RAB3GAP2: variants seen among roughly 807,000 people sequenced by gnomAD.
RAB3GAP2 encodes RAB3 GTPase activating non-catalytic protein subunit 2, also known as rab3 GTPase-activating protein non-catalytic subunit.
A neutral mutation model predicts 185.3 loss-of-function variants in RAB3GAP2; 87 were observed. The observed-to-expected ratio is 0.47, with a 90% CI of 0.39 to 0.56. RAB3GAP2 has a LOEUF of 0.56. Ranked by LOEUF, RAB3GAP2 falls within the 20% of genes least tolerant of loss-of-function variation. The probability of loss-of-function intolerance (pLI) is 0.00; values close to 1 mark genes in which losing one functional copy is unlikely to be tolerated. For missense variants in RAB3GAP2, 1,492 were observed against 1,638.2 expected (o/e 0.91, Z 1.54); for synonymous variants, 554 against 576.1 (o/e 0.96, Z 0.55).
At chr1:220,159,500 T>A in intron 28 of RAB3GAP2, 79 bp from the exon 29 acceptor site, 1 of 1,093,138 alleles carries the variant, frequency 9.1e-7, no homozygotes, top group Non-Finnish European at 1.3e-6. Flanking sequence ...TAATAAAAAG[T>A]AACCGAATTT....
intron 7 of RAB3GAP2, among the ~76,000 whole-genome samples, chr1:220,209,117 C>A (rs1659031040): frequency 6.6e-6 from 1 of 152,200 alleles, no homozygotes; most frequent in Non-Finnish European, 1.5e-5. Context: ...ACTTAAAAAA[C>A]CAGATAACTA....
intron 1 of RAB3GAP2, among the ~76,000 whole-genome samples, chr1:220,246,064 CA>C (rs1014218121): frequency 1.3e-5 from 2 of 151,988 alleles, no homozygotes; most frequent in African/African-American, 4.8e-5. Context: ...ACAGTGAACT[CA>C]AACAAATTTA....
chr1:220,243,635 A>G lies in RAB3GAP2; in HGVS notation c.116-10772T>C, dbSNP rs1005654850. 5.2e-4 allele frequency among the ~76,000 whole-genome samples: 79 copies of G among 152,114 alleles called. 1 individual carries two copies. The highest frequency in any genetic ancestry group is 5.9e-5 in the Non-Finnish European group (4 of 68,024). The stretch of plus-strand genomic sequence containing the variant: ...AGTACATCATCTTCAGTACCATCTC[A>G]GTTATTTGAGATAGTCTTTTGAATC... On this transcript the variant is annotated intron_variant, in intron 1 of 34. Transcript: ENST00000358951.
intron 2 of RAB3GAP2, among the ~76,000 whole-genome samples, chr1:220,217,132 C>T (rs543541070): frequency 1.9e-4 from 29 of 152,036 alleles, no homozygotes; most frequent in Non-Finnish European, 3.4e-4. Flanking sequence ...AAAATCTAGG[C>T]TTCCTAATTC....
intron 1 of RAB3GAP2, chr1:220,267,914 C>A: frequency 1.4e-6 from 1 of 730,690 alleles, no homozygotes; most frequent in South Asian, 1.6e-5. Context: ...CAGATTGGTC[C>A]GTGATGCCTA....
At chr1:220,201,218 T>G in intron 9 of RAB3GAP2, among the ~76,000 whole-genome samples, 1 of 149,076 alleles carries the variant, frequency 6.7e-6, no homozygotes, top group South Asian at 2.1e-4. Flanking sequence ...TAAAGGTTAC[T>G]TTTTTTTTTA....
In RAB3GAP2 at chr1:220,151,699, C is replaced by T; in HGVS notation, c.3933G>A (p.Arg1311=). ...GGGTGTGGAGAAGCGCATGAGCCAG[C>T]CTTTGCCCCGTGAGCACCAGCAGCT... The part of the protein sequence containing the change: ...ASQLLVLTGQ[R]LAHALLHTQT... The change falls in exon 34 of 35, where the codon AGG becomes AGA. Residue 1311 remains arginine, a synonymous_variant. Transcript: ENST00000358951. 1 of 1,611,938 alleles carries T rather than the reference C, an allele frequency of 6.2e-7. No homozygotes were observed. The highest frequency in any genetic ancestry group is 1.1e-5 in the South Asian group (1 of 91,026).
chr1:220,266,381 T>G lies in RAB3GAP2; in HGVS notation c.115+5842A>C, dbSNP rs138874435. On this transcript the variant is annotated intron_variant, in intron 1 of 34. Coordinates refer to ENST00000358951, the MANE Select transcript of RAB3GAP2 (RefSeq NM_012414.4). ...CAGCACAAAGTGGTCACTTTCCCCA[T>G]AGCCAGACTCTGGATTTGCCTCCTG... 8.4e-4 allele frequency: 355 copies of G among 422,332 alleles called. 1 individual carries two copies. The highest frequency in any genetic ancestry group is 6.4e-3 in the African/African-American group (320 of 49,734). The allele number at this position is 422,332 out of a possible 1,614,324, so 26.2% of individuals were successfully genotyped here.
chr1:220,153,557 T>C, intron 32 of RAB3GAP2, 151 bp from the exon 33 acceptor site: 2 of 665,622 alleles, frequency 3.0e-6, no homozygotes, highest in South Asian at 3.9e-5. Context: ...TTTAAACAAC[T>C]AGCTCTCAAG....
intron 17 of RAB3GAP2, among the ~76,000 whole-genome samples, chr1:220,186,912 C>A (rs1195973398): frequency 6.6e-6 from 1 of 152,168 alleles, no homozygotes; most frequent in African/African-American, 2.4e-5. Context: ...CTCAATATGC[C>A]TCTCTAGATG....
In RAB3GAP2 at chr1:220,182,067, G is replaced by A. The variant is rs1571886544; in HGVS notation, c.2310+190C>T. ...AGTAAAAGAAAAAAAAAATTACAGG[G>A]TATAAGAAAAATAAATAATATTACT... is the stretch of plus-strand genomic sequence containing the variant. On this transcript the variant is annotated intron_variant, in intron 21 of 34. Coordinates refer to ENST00000358951, the MANE Select transcript of RAB3GAP2 (RefSeq NM_012414.4). 4.3e-5 allele frequency among the ~76,000 whole-genome samples: 6 copies of A among 140,558 alleles called. No individual in the cohort carries two copies. The South Asian group carries it at 1.4e-3, about 32-fold the overall frequency. The allele number at this position is 140,558 out of a possible 152,430, so 92.2% of individuals were successfully genotyped here.
intron 24 of RAB3GAP2, among the ~76,000 whole-genome samples, chr1:220,169,165 T>C (rs1658127971): frequency 6.6e-6 from 1 of 152,184 alleles, no homozygotes; most frequent in African/African-American, 2.4e-5. Flanking sequence ...TAAGAAAAAG[T>C]TCACAAGTTT....
At chr1:220,247,277 G>A (rs1341653818) in intron 1 of RAB3GAP2, among the ~76,000 whole-genome samples, 2 of 151,870 alleles carry the variant, frequency 1.3e-5, no homozygotes, top group Non-Finnish European at 2.9e-5. Context: ...AGGAAAAGAA[G>A]TCATTTTATG....
In RAB3GAP2 at chr1:220,193,294, C is replaced by T. The variant is rs775176634; in HGVS notation, c.1216G>A (p.Gly406Ser). The T allele has an allele frequency of 6.8e-6, 11 of 1,613,826 alleles. No individual in the cohort carries two copies. Among genetic ancestry groups the T allele is most frequent in the Middle Eastern group, 1.6e-4 (1 of 6,076 alleles). Residue 406 changes from glycine (G) to serine (S), a missense_variant, in exon 13 of 35, where the codon GGC becomes AGC. Physicochemically the swap from Gly to Ser is moderately conservative, Grantham distance 56. Coordinates refer to ENST00000358951, the MANE Select transcript of RAB3GAP2 (RefSeq NM_012414.4). ...NTLAAVTDDF[G>S]RVILLDVARG... ...GCTACATCCAATAAAATAACTCTGC[C>T]GAAATCATCTGTTACTGCTGCCAGT...
rs747916026 is a variant in RAB3GAP2 at position 220,202,352 on chromosome 1, G to A, written c.735C>T (p.Asn245=). 1 of 1,613,750 alleles carries A rather than the reference G, an allele frequency of 6.2e-7. No homozygotes were observed. The highest frequency in any genetic ancestry group is 8.5e-7 in the Non-Finnish European group (1 of 1,179,848). The change falls in exon 9 of 35, where the codon AAC becomes AAT. Residue 245 remains asparagine, a synonymous_variant. Coordinates refer to ENST00000358951, the MANE Select transcript of RAB3GAP2 (RefSeq NM_012414.4). ...VAKAAASGNE[N]IQPPPLAYKK... ...TATAAGCTAATGGTGGTGGTTGTAT[G>A]TTCTCATTGCCTGATGCTGCAGCTA...
chr1:220,211,105 T>C (rs926743032), intron 4 of RAB3GAP2, 103 bp from the exon 5 acceptor site: 2 of 1,124,666 alleles, frequency 1.8e-6, no homozygotes, highest in Non-Finnish European at 2.6e-6. Flanking sequence ...AGATGACTTC[T>C]GTGAACCAGT....
intron 1 of RAB3GAP2, among the ~76,000 whole-genome samples, chr1:220,262,337 A>C (rs113484948): frequency 1.5e-3 from 223 of 152,128 alleles, no homozygotes; most frequent in African/African-American, 5.2e-3. Flanking sequence ...AAACAAAAAA[A>C]CATAAAATTT....
At position 220,272,245 on chromosome 1, in the gene RAB3GAP2, G is replaced by T; in HGVS notation, c.93C>A (p.Ser31Arg). 6.2e-7 allele frequency: 1 copy of T among 1,609,404 alleles called. No homozygotes were observed. The highest frequency in any genetic ancestry group is 8.5e-7 in the Non-Finnish European group (1 of 1,178,648). ...TACTGGGGTCCCTCCGCAAGGCGCCGCTGAGGATCTCCTCCCGCAGGTGAG... is the reference window on the plus strand; with the variant it reads ...TACTGGGGTCCCTCCGCAAGGCGCCTCTGAGGATCTCCTCCCGCAGGTGAG... ...LFPHLREEIL[S>R]GALRRDPSKS... The change falls in exon 1 of 35, where the codon AGC becomes AGA. Residue 31 changes from serine to arginine, a missense_variant. Ser to Arg is a moderately radical substitution (Grantham distance 110). Around this residue, in one of 5 missense-constraint regions of RAB3GAP2, gnomAD observed 177 missense variants for 160.6 expected, o/e 1.10. Coordinates refer to ENST00000358951, the MANE Select transcript of RAB3GAP2 (RefSeq NM_012414.4).
chr1:220,178,722 A>G (rs1658341614), intron 21 of RAB3GAP2, among the ~76,000 whole-genome samples: 1 of 152,182 alleles, frequency 6.6e-6, no homozygotes, highest in South Asian at 2.1e-4. Context: ...AAAAAAAGAC[A>G]GAAAAAAGAG....
Sources: gnomAD v4.1 joint callset for allele counts (sites outside exome capture counted in the v4.1 genomes callset) on GRCh38, gnomAD v4.1.1 for gene constraint, gnomAD v4.1.1 regional missense constraint, MANE v1.5 for transcripts, NCBI Gene and HGNC (gene_info 2026-07-23, HGNC 2026-07-21) for gene names.